Variants in PARD3B observed in about 807,000 individuals in gnomAD.
The protein encoded by PARD3B is partitioning defective 3 homolog B.
A neutral mutation model predicts 130.2 loss-of-function variants in PARD3B; 103 were observed. That is an observed-to-expected ratio of 0.79 (90% CI 0.67 to 0.93). The LOEUF (loss-of-function observed/expected upper bound fraction) is 0.93, where lower values mean the gene tolerates loss of function less well. PARD3B is among the 40% of genes least tolerant of loss of function. PARD3B has a pLI of 0.00. For synonymous variants in PARD3B, 583 were observed against 553.2 expected, an observed-to-expected ratio of 1.05 and a Z score of -0.76; for missense variants, 1,609 against 1,499.2, an observed-to-expected ratio of 1.07 and a Z score of -1.21.
chr2:205,398,178 G>A (rs1414701162), intron 18 of PARD3B, among the ~76,000 whole-genome samples: 1 of 152,062 alleles, frequency 6.6e-6, no homozygotes, highest in Admixed American at 6.6e-5. Context: ...GTGGGCACCT[G>A]TAATCTCAGC....
chr2:204,749,299 G>A (rs2040368144), intron 2 of PARD3B, among the ~76,000 whole-genome samples: 1 of 152,068 alleles, frequency 6.6e-6, no homozygotes, highest in Admixed American at 6.6e-5. Context: ...AAGTATCAAG[G>A]GGCCTTACAT....
chr2:204,711,844 C>T (rs1421982751), intron 2 of PARD3B, among the ~76,000 whole-genome samples: 3 of 151,984 alleles, frequency 2.0e-5, no homozygotes, highest in East Asian at 3.9e-4. Context: ...CATTGTACCC[C>T]GCCAACTATT....
intron 18 of PARD3B, among the ~76,000 whole-genome samples, chr2:205,312,115 G>A (rs1444055206): frequency 6.6e-6 from 1 of 152,150 alleles, no homozygotes; most frequent in Non-Finnish European, 1.5e-5. Flanking sequence ...CATAACAGCT[G>A]TTACAGGTCT....
At chr2:204,923,283 AT>A (rs2047754507) in intron 2 of PARD3B, among the ~76,000 whole-genome samples, 1 of 152,134 alleles carries the variant, frequency 6.6e-6, no homozygotes, top group Non-Finnish European at 1.5e-5. Context: ...ATTTAAAAAA[AT>A]AATTTAATTG....
intron 2 of PARD3B, among the ~76,000 whole-genome samples, chr2:204,710,233 C>A (rs1016435983): frequency 2.6e-5 from 4 of 152,158 alleles, no homozygotes; most frequent in Admixed American, 2.6e-4. Flanking sequence ...AATTCAAGCT[C>A]TTGCAGGTCA....
chr2:205,348,607 CG>C (rs2043880851), intron 18 of PARD3B, among the ~76,000 whole-genome samples: 1 of 152,154 alleles, frequency 6.6e-6, no homozygotes, highest in African/African-American at 2.4e-5. Flanking sequence ...CCTAAAATAT[CG>C]GTTTCCCATT....
chr2:205,254,113 A>AG (rs1559591243), intron 16 of PARD3B, among the ~76,000 whole-genome samples: 6 of 144,780 alleles, frequency 4.1e-5, no homozygotes, highest in Non-Finnish European at 6.0e-5. Flanking sequence ...AAAAAAAAAA[A>AG]GCTGAGATGC....
chr2:205,594,249 C>G (rs1397735108), intron 22 of PARD3B, among the ~76,000 whole-genome samples: 2 of 152,206 alleles, frequency 1.3e-5, no homozygotes, highest in Non-Finnish European at 2.9e-5. Context: ...GTGTCCGGAG[C>G]TCCTATCCGA....
intron 3 of PARD3B, among the ~76,000 whole-genome samples, chr2:204,966,156 T>C (rs1205669827): frequency 6.6e-6 from 1 of 152,152 alleles, no homozygotes; most frequent in Non-Finnish European, 1.5e-5. Context: ...ATGCTTAAAA[T>C]GGTTAGAATC....
intron 18 of PARD3B, among the ~76,000 whole-genome samples, chr2:205,307,447 A>G (rs2042224608): frequency 6.6e-6 from 1 of 152,118 alleles, no homozygotes; most frequent in Non-Finnish European, 1.5e-5. Context: ...CCAATTTTGT[A>G]GTTTCTCTGT....
chr2:204,639,984 T>G (rs963999123), intron 1 of PARD3B, among the ~76,000 whole-genome samples: 69 of 152,264 alleles, frequency 4.5e-4, no homozygotes, highest in African/African-American at 1.6e-3. Flanking sequence ...CTGGGCATGG[T>G]GGCTCATGCC....
chr2:205,593,488 T>G (rs2054461867), intron 22 of PARD3B, among the ~76,000 whole-genome samples: 1 of 152,198 alleles, frequency 6.6e-6, no homozygotes, highest in African/African-American at 2.4e-5. Flanking sequence ...AAACCACACT[T>G]AAATTAATTT....
At chr2:205,289,343 G>A (rs1400379948) in intron 16 of PARD3B, among the ~76,000 whole-genome samples, 1 of 152,038 alleles carries the variant, frequency 6.6e-6, no homozygotes, top group Non-Finnish European at 1.5e-5. Context: ...CTCCTAATGG[G>A]TGTAAATTTT....
In PARD3B at chr2:205,463,973, C is replaced by G. The variant is rs773178030; in HGVS notation, c.3044+23301C>G. On this transcript the variant is annotated intron_variant, in intron 20 of 22. Coordinates refer to ENST00000406610, the MANE Select transcript of PARD3B (RefSeq NM_001302769.2). The surrounding 1 kb of genome is among the most constrained non-coding windows in gnomAD (Gnocchi z 4.8). ...TAACCAGGCAGATTTTATTTCCTAC[C>G]TGCCTGCCACAGAGTTCTGAGTTAG... Among the ~76,000 whole-genome samples the G allele has an allele frequency of 1.6e-4, 24 of 152,120 alleles. No homozygotes were observed. Among genetic ancestry groups the G allele is most frequent in the Non-Finnish European group, 3.1e-4 (21 of 68,018 alleles).
intron 2 of PARD3B, among the ~76,000 whole-genome samples, chr2:204,871,816 G>A (rs919053382): frequency 3.9e-5 from 6 of 152,090 alleles, no homozygotes; most frequent in African/African-American, 1.4e-4. Context: ...TTTTGTAAAT[G>A]TATACAAGGC....
chr2:205,318,133 C>T (rs190885645), intron 18 of PARD3B, among the ~76,000 whole-genome samples: 1 of 152,244 alleles, frequency 6.6e-6, no homozygotes, highest in East Asian at 1.9e-4. Context: ...GTATGAGGTT[C>T]CTCCCATTGA....
chr2:204,873,740 A>C (rs13423367), intron 2 of PARD3B, among the ~76,000 whole-genome samples: 7,989 of 152,284 alleles, frequency 0.052, 425 homozygotes, highest in African/African-American at 0.13. Context: ...GTTACACCTG[A>C]GTCCACGTAA....
In PARD3B at chr2:205,553,013, G is replaced by A. The variant is rs535378585; in HGVS notation, c.3181-311G>A. On this transcript the variant is annotated intron_variant, in intron 21 of 22. Coordinates refer to ENST00000406610, the MANE Select transcript of PARD3B (RefSeq NM_001302769.2). ...TAAAACTATTCTAAAAACTAAAGTC[G>A]GTTTTAAAAAAAGAAGAAGAAGAAG... Among the ~76,000 whole-genome samples, 9 of 102,684 alleles carry A rather than the reference G, an allele frequency of 8.8e-5. No individual in the cohort carries two copies. In the East Asian group the frequency reaches 1.0e-3, roughly 12 times the overall value. 67.4% of individuals were successfully genotyped at this position (102,684 alleles called of 152,430 possible).
chr2:205,300,598 A>G lies in PARD3B; in HGVS notation c.2254A>G (p.Thr752Ala). The G allele has an allele frequency of 6.2e-7, 1 of 1,613,928 alleles. No homozygotes were observed. Among genetic ancestry groups the G allele is most frequent in the South Asian group, 1.1e-5 (1 of 91,080 alleles). The change falls in exon 17 of 23, where the codon ACT (threonine) becomes GCT (alanine). Residue 752 changes from threonine (T) to alanine (A), a missense_variant. Physicochemically the swap from Thr to Ala is moderately conservative, Grantham distance 58. Coordinates refer to ENST00000406610, the MANE Select transcript of PARD3B (RefSeq NM_001302769.2). This position sits in a 1 kb window ranked among gnomAD's most constrained non-coding sequence, Gnocchi z 4.1. The stretch of plus-strand genomic sequence containing the variant: ...GTCCAGCTCCTTGGAGAGTCTGCAG[A>G]CTGCAGTGGCCGAGGTCAGGAAGAA... ...KKSSSLESLQ[T>A]AVAEVRKNDL...
Sources: allele counts gnomAD v4.1 joint callset (sites outside exome capture counted in the v4.1 genomes callset), GRCh38; gene constraint gnomAD v4.1.1; non-coding constraint Gnocchi (gnomAD v3.1); transcripts MANE v1.5; gene names NCBI Gene and HGNC (gene_info 2026-07-23, HGNC 2026-07-21).